RCN2: variants seen among roughly 807,000 people sequenced by gnomAD.
RCN2 encodes the protein reticulocalbin-2.
In RCN2, 23 loss-of-function variants were observed where a neutral mutation model predicts 37.5. That is an observed-to-expected ratio of 0.61 (90% confidence interval 0.44 to 0.87). The LOEUF (loss-of-function observed/expected upper bound fraction) is 0.87. Ranked by LOEUF, RCN2 falls within the 40% of genes least tolerant of loss-of-function variation. The pLI is 0.00. For synonymous variants in RCN2, 140 were observed against 144.6 expected, an observed-to-expected ratio of 0.97 and a Z score of 0.23; for missense variants, 381 against 390.4, an observed-to-expected ratio of 0.98 and a Z score of 0.20.
intron 3 of RCN2, among the ~76,000 whole-genome samples, chr15:76,936,637 G>A (rs570229025): frequency 6.6e-6 from 1 of 152,240 alleles, no homozygotes; most frequent in Non-Finnish European, 1.5e-5. Context: ...ATACCCGTCC[G>A]CGACCTAGGG....
At chr15:76,947,367 T>C in intron 4 of RCN2, 54 bp from the exon 5 acceptor site, 1 of 1,081,334 alleles carries the variant, frequency 9.2e-7, no homozygotes. Context: ...CGGATGGCAG[T>C]GGGACTGAAC....
intron 3 of RCN2, among the ~76,000 whole-genome samples, chr15:76,939,150 G>A (rs1056770190): frequency 3.9e-5 from 6 of 152,114 alleles, no homozygotes; most frequent in African/African-American, 1.4e-4. Flanking sequence ...AAGATTGCTC[G>A]AGCCCAGGCA....
rs1353909611 is a variant in RCN2 at position 76,931,975 on chromosome 15, T to G, written c.134T>G (p.Leu45Arg). Residue 45 changes from leucine to arginine, a missense_variant, in exon 1 of 7, where the codon CTG becomes CGG. Coordinates refer to ENST00000394885, the MANE Select transcript of RCN2 (RefSeq NM_002902.3). ...AGCGACTACGACCGCGAGGCGCTGC[T>G]GGGCGTCCAGGTGAGGCGGCCAGGC... ...RRSDYDREAL[L>R]GVQEDVDEYV... is the part of the protein sequence containing the mutation. The G allele has an allele frequency of 9.5e-6, 12 of 1,267,102 alleles. No homozygotes were observed. Among genetic ancestry groups the G allele is most frequent in the Non-Finnish European group, 1.2e-5 (12 of 1,011,378 alleles). The allele number at this position is 1,267,102 out of a possible 1,614,324, so 78.5% of individuals were successfully genotyped here. A position where few individuals can be genotyped will look rare whatever the true frequency, so the allele number is the denominator to read the frequency against.
chr15:76,943,175 A>G (rs1328729479), intron 3 of RCN2: 1 of 152,346 alleles, frequency 6.6e-6, no homozygotes, highest in Non-Finnish European at 1.5e-5. Flanking sequence ...TAGACAGTAT[A>G]GTACTGTAGA....
chr15:76,934,454 T>A (rs1368204751), intron 2 of RCN2, among the ~76,000 whole-genome samples: 2 of 152,236 alleles, frequency 1.3e-5, no homozygotes, highest in Non-Finnish European at 2.9e-5. Flanking sequence ...ATAGATTTTT[T>A]AAAAGTTGAT....
In RCN2 at chr15:76,948,511, C is replaced by T. The variant is rs2075305609; in HGVS notation, c.760C>T (p.Pro254Ser). 1 of 1,605,942 alleles carries T rather than the reference C, an allele frequency of 6.2e-7. No homozygotes were observed. Among genetic ancestry groups the T allele is most frequent in the Non-Finnish European group, 8.5e-7 (1 of 1,175,244 alleles). ...DGRLDPQELL[P>S]WVVPNNQGIA... ...CAGGCTTGATCCCCAAGAGCTGTTA[C>T]CTTGGGTAGTACCTAATAATCAGGG... The change falls in exon 6 of 7, where the codon CCT becomes TCT. Residue 254 changes from proline to serine, a missense_variant. Coordinates refer to ENST00000394885, the MANE Select transcript of RCN2 (RefSeq NM_002902.3).
chr15:76,948,440 T>C lies in RCN2; in HGVS notation c.689T>C (p.Val230Ala), dbSNP rs746184103. The C allele has an allele frequency of 3.7e-6, 6 of 1,607,466 alleles. No individual in the cohort carries two copies. In the South Asian group the frequency reaches 4.4e-5, roughly 12 times the overall value. The change falls in exon 6 of 7, where the codon GTT (valine) becomes GCT (alanine). Residue 230 changes from valine (V) to alanine (A), a missense_variant. Val to Ala is a moderately conservative substitution (Grantham distance 64). Transcript: ENST00000394885. ...AATGAAGATCCAGAATGGATACTTG[T>C]TGAGAAAGACAGATTCGTGAATGAT... The part of the protein sequence containing the change: ...TANEDPEWIL[V>A]EKDRFVNDYD...
chr15:76,932,892 T>G (rs142412252), intron 2 of RCN2, among the ~76,000 whole-genome samples: 1 of 152,310 alleles, frequency 6.6e-6, no homozygotes, highest in East Asian at 1.9e-4. Context: ...GCCTGTGAAT[T>G]ACGTTTATTA....
At chr15:76,936,630 C>T (rs2075250445) in intron 3 of RCN2, among the ~76,000 whole-genome samples, 2 of 152,252 alleles carry the variant, frequency 1.3e-5, no homozygotes, top group Admixed American at 6.5e-5. Context: ...TGAACCAATA[C>T]CCGTCCGCGA....
intron 3 of RCN2, among the ~76,000 whole-genome samples, chr15:76,939,263 TAAATAAATAAATAAAA>T (rs1381247924): frequency 6.9e-6 from 1 of 145,912 alleles, no homozygotes; most frequent in African/African-American, 2.7e-5. Context: ...AATAAATAAA[TAAATAAATAAATAAAA>T]ATTTCCTCTT....
In RCN2 at chr15:76,931,933, C is replaced by T; in HGVS notation, c.92C>T (p.Pro31Leu). 7.6e-7 allele frequency: 1 copy of T among 1,308,080 alleles called. No individual in the cohort carries two copies. Among genetic ancestry groups the T allele is most frequent in the South Asian group, 2.1e-5 (1 of 47,226 alleles). The allele number at this position is 1,308,080 out of a possible 1,614,324, so 81.0% of individuals were successfully genotyped here. The change falls in exon 1 of 7, where the codon CCG becomes CTG. Residue 31 changes from proline to leucine, a missense_variant. Physicochemically the swap from Pro to Leu is moderately conservative, Grantham distance 98. Coordinates refer to ENST00000394885, the MANE Select transcript of RCN2 (RefSeq NM_002902.3). ...GGCAAGGCCGAGGAGCTGCACTACC[C>T]GCTGGGCGAGCGCCGCAGCGACTAC... ...GAGKAEELHY[P>L]LGERRSDYDR...
chr15:76,933,506 G>T (rs1568458399), intron 2 of RCN2, among the ~76,000 whole-genome samples: 1 of 152,152 alleles, frequency 6.6e-6, no homozygotes, highest in Non-Finnish European at 1.5e-5. Context: ...AGTAATCAAA[G>T]AACACAACAC....
At chr15:76,932,731 G>T (rs2075230001) in intron 2 of RCN2, among the ~76,000 whole-genome samples, 1 of 152,170 alleles carries the variant, frequency 6.6e-6, no homozygotes. Context: ...TTTCTCACGT[G>T]ACTTTTGTTA....
chr15:76,945,008 A>G (rs2075291380), intron 4 of RCN2, among the ~76,000 whole-genome samples: 2 of 152,248 alleles, frequency 1.3e-5, no homozygotes, highest in South Asian at 4.1e-4. Flanking sequence ...CAAAACTTTA[A>G]AACCTGTTCA....
At chr15:76,935,756 C>T in intron 3 of RCN2, 34 bp downstream of exon 3, 1 of 1,527,354 alleles carries the variant, frequency 6.5e-7, no homozygotes, top group South Asian at 1.2e-5. Context: ...TTCTTTTGAT[C>T]ATGTCAGTTC....
chr15:76,931,855 C>T lies in RCN2; in HGVS notation c.14C>T (p.Pro5Leu), dbSNP rs963651370. 2.4e-5 allele frequency: 30 copies of T among 1,268,710 alleles called. No homozygotes were observed. The highest frequency in any genetic ancestry group is 2.8e-4 in the Middle Eastern group (1 of 3,632). 78.6% of individuals were successfully genotyped at this position (1,268,710 alleles called of 1,614,324 possible). The stretch of plus-strand genomic sequence containing the variant: ...CGGGCCGGCGCGATGCGGCTGGGCC[C>T]GAGGACCGCGGCGTTGGGGCTGCTG... The part of the protein sequence containing the change: MRLG[P>L]RTAALGLLLL... The change falls in exon 1 of 7, where the codon CCG becomes CTG. Residue 5 changes from proline (P) to leucine (L), a missense_variant. Coordinates refer to ENST00000394885, the MANE Select transcript of RCN2 (RefSeq NM_002902.3).
In RCN2 at chr15:76,953,849, C is replaced by T. The variant is rs1341386391; in HGVS notation, c.*4627C>T. ...GTCTTGATCTGCTGACCTCGTGATCCGCCCGCCTTGGCCTCCCAAAGTGCT... is the reference window on the plus strand; with the variant it reads ...GTCTTGATCTGCTGACCTCGTGATCTGCCCGCCTTGGCCTCCCAAAGTGCT... On this transcript the variant is annotated 3_prime_UTR_variant, in exon 7 of 7. Coordinates refer to ENST00000394885, the MANE Select transcript of RCN2 (RefSeq NM_002902.3). 1.3e-5 allele frequency: 2 copies of T among 150,510 alleles called. No individual in the cohort carries two copies. The highest frequency in any genetic ancestry group is 4.9e-5 in the African/African-American group (2 of 41,016). The allele number at this position is 150,510 out of a possible 1,614,324, so 9.3% of individuals were successfully genotyped here. A position where few individuals can be genotyped will look rare whatever the true frequency, so the allele number is the denominator to read the frequency against.
At chr15:76,933,197 A>G (rs1302968317) in intron 2 of RCN2, among the ~76,000 whole-genome samples, 1 of 152,236 alleles carries the variant, frequency 6.6e-6, no homozygotes, top group Non-Finnish European at 1.5e-5. Context: ...GTTCAATTCA[A>G]ATGATGTTCC....
chr15:76,953,585 AT>A lies in RCN2; in HGVS notation c.*4364del, dbSNP rs2075332942. On this transcript the variant is annotated 3_prime_UTR_variant, in exon 7 of 7. Coordinates refer to ENST00000394885, the MANE Select transcript of RCN2 (RefSeq NM_002902.3). ...TATATATATATATATATATATATAT[AT>A]ATATATATTTTTTTTTTTTTTTTTT... 1 of 19,380 alleles carries A rather than the reference AT, an allele frequency of 5.2e-5. No homozygotes were observed. The highest frequency in any genetic ancestry group is 9.8e-5 in the Non-Finnish European group (1 of 10,166). 1.2% of individuals were successfully genotyped at this position (19,380 alleles called of 1,614,324 possible). A position where few individuals can be genotyped will look rare whatever the true frequency, so the allele number is the denominator to read the frequency against.
Sources: allele counts gnomAD v4.1 joint callset (sites outside exome capture counted in the v4.1 genomes callset), GRCh38; gene constraint gnomAD v4.1.1; transcripts MANE v1.5; gene names NCBI Gene and HGNC (gene_info 2026-07-23, HGNC 2026-07-21).